The following CD247 variants were observed in gnomAD, a reference collection of about 807,000 sequenced individuals.
The protein encoded by CD247 is CD247 molecule.
In CD247, 13 loss-of-function variants were observed where a neutral mutation model predicts 30.0. The observed-to-expected ratio is 0.43, with a 90% CI of 0.28 to 0.69. CD247 has a LOEUF of 0.69. CD247 is among the 30% of genes least tolerant of loss of function. CD247 has a pLI of 0.16. For missense variants in CD247, 193 were observed against 212.6 expected (o/e 0.91, Z 0.57); for synonymous variants, 72 against 80.0 (o/e 0.90, Z 0.53).
intron 1 of CD247, among the ~76,000 whole-genome samples, chr1:167,487,151 T>C (rs1654244252): frequency 6.8e-6 from 1 of 147,042 alleles, no homozygotes; most frequent in Admixed American, 6.8e-5. Context: ...GGCCGAGGTG[T>C]GTGGATCACG....
chr1:167,486,132 A>C (rs144538471), intron 1 of CD247, among the ~76,000 whole-genome samples: 58 of 152,344 alleles, frequency 3.8e-4, no homozygotes, highest in African/African-American at 1.3e-3. Flanking sequence ...TTGTCAGGCC[A>C]AAGAAATTAG....
At chr1:167,473,528 ATT>A (rs1653619506) in intron 1 of CD247, among the ~76,000 whole-genome samples, 1 of 152,126 alleles carries the variant, frequency 6.6e-6, no homozygotes, top group South Asian at 2.1e-4. Flanking sequence ...AGGCGCTGTT[ATT>A]ATTCCCATTA....
At chr1:167,434,131 G>A (rs1312302171) in intron 5 of CD247, 55 bp from the exon 6 acceptor site, 7 of 1,526,556 alleles carry the variant, frequency 4.6e-6, no homozygotes, top group Non-Finnish European at 6.4e-6. Context: ...GAAAGCAGCA[G>A]GTTCCCCTAC....
intron 1 of CD247, among the ~76,000 whole-genome samples, chr1:167,488,527 A>T (rs762405285): frequency 4.6e-5 from 7 of 152,180 alleles, no homozygotes; most frequent in Non-Finnish European, 8.8e-5. Flanking sequence ...GGCCAGGGGG[A>T]TCAGACCTCA....
At chr1:167,454,399 C>T (rs1041139850) in intron 1 of CD247, among the ~76,000 whole-genome samples, 2 of 152,154 alleles carry the variant, frequency 1.3e-5, no homozygotes, top group East Asian at 3.9e-4. Context: ...ACAACCAAAA[C>T]AAAAACAAAT....
intron 1 of CD247, among the ~76,000 whole-genome samples, chr1:167,471,837 T>C (rs960989246): frequency 1.2e-4 from 18 of 147,134 alleles, no homozygotes; most frequent in South Asian, 2.2e-4. Context: ...CTTTCTTTTT[T>C]TTTTTTTTTT....
chr1:167,494,783 C>T lies in CD247; in HGVS notation c.58+23625G>A, dbSNP rs568292134. On this transcript the variant is annotated intron_variant, in intron 1 of 7. Coordinates refer to ENST00000362089, the MANE Select transcript of CD247 (RefSeq NM_198053.3). The surrounding 1 kb of genome is among the most constrained non-coding windows in gnomAD (Gnocchi z 7.3). ...AAGAATGTGAAGGTCTCATCAAAAA[C>T]CAAGCATGAGAGGCAAGACAATTAT... is the stretch of plus-strand genomic sequence containing the variant. Among the ~76,000 whole-genome samples, 1 of 152,274 alleles carries T rather than the reference C, an allele frequency of 6.6e-6. No homozygotes were observed. Among genetic ancestry groups the T allele is most frequent in the East Asian group, 1.9e-4 (1 of 5,184 alleles).
chr1:167,485,284 G>A (rs1458783646), intron 1 of CD247, among the ~76,000 whole-genome samples: 10 of 152,208 alleles, frequency 6.6e-5, no homozygotes, highest in Non-Finnish European at 1.3e-4. Context: ...ACCCCTGCAC[G>A]CCCTGCTCAC....
At chr1:167,452,576 G>A (rs916548202) in intron 1 of CD247, among the ~76,000 whole-genome samples, 1 of 152,146 alleles carries the variant, frequency 6.6e-6, no homozygotes, top group Non-Finnish European at 1.5e-5. Context: ...AAAATGTCAC[G>A]CACTGTGCTG....
chr1:167,482,256 A>C (rs1654004053), intron 1 of CD247, among the ~76,000 whole-genome samples: 1 of 152,204 alleles, frequency 6.6e-6, no homozygotes, highest in Non-Finnish European at 1.5e-5. Flanking sequence ...CTCCTTTCTC[A>C]GTGACCTTTC....
intron 1 of CD247, among the ~76,000 whole-genome samples, chr1:167,504,074 G>A (rs1010172069): frequency 6.6e-6 from 1 of 152,212 alleles, no homozygotes; most frequent in Non-Finnish European, 1.5e-5. Flanking sequence ...CCGGGGTGCT[G>A]TGTATAGGCA....
rs187599847 is a variant in CD247, at chr1:167,455,698, A to C, written c.59-14931T>G. 3.5e-4 allele frequency among the ~76,000 whole-genome samples: 53 copies of C among 152,106 alleles called. No individual in the cohort carries two copies. The East Asian group carries it at 0.01, about 29-fold the overall frequency. ...CCCCACTTGCGGTCCCTTGTCCCCGAACCGCACCCGCCCCCAGGCCCCCGC... is the reference window on the plus strand; with the variant it reads ...CCCCACTTGCGGTCCCTTGTCCCCGCACCGCACCCGCCCCCAGGCCCCCGC... On this transcript the variant is annotated intron_variant, in intron 1 of 7. Coordinates refer to ENST00000362089, the MANE Select transcript of CD247 (RefSeq NM_198053.3).
chr1:167,493,903 G>A (rs941888146), intron 1 of CD247, among the ~76,000 whole-genome samples: 4 of 152,142 alleles, frequency 2.6e-5, no homozygotes, highest in Admixed American at 1.3e-4. Context: ...CATGTGCCCT[G>A]GTCAGGCACA....
chr1:167,498,062 T>G (rs138500178), intron 1 of CD247, among the ~76,000 whole-genome samples: 1 of 152,180 alleles, frequency 6.6e-6, no homozygotes. Flanking sequence ...CATAGCTTGA[T>G]CTTGGGGACC....
chr1:167,496,223 G>T (rs1654684810), intron 1 of CD247, among the ~76,000 whole-genome samples: 1 of 152,238 alleles, frequency 6.6e-6, no homozygotes. Flanking sequence ...AAGGAAGGTA[G>T]GTAGGTAGGC....
Position 167,465,073 on chromosome 1 carries a change from T to C in CD247, c.59-24306A>G, listed in dbSNP as rs887795839. Among the ~76,000 whole-genome samples the C allele has an allele frequency of 4.6e-5, 7 of 152,288 alleles. No individual in the cohort carries two copies. The East Asian group carries it at 1.4e-3, about 29-fold the overall frequency. On this transcript the variant is annotated intron_variant, in intron 1 of 7. Transcript: ENST00000362089. ...GCTTTTTCTCTTCTCCCTCCAATAC[T>C]CAATCTTCCTGTCCATATATTTATT...
At chr1:167,489,720 G>T (rs906193070) in intron 1 of CD247, among the ~76,000 whole-genome samples, 10 of 152,164 alleles carry the variant, frequency 6.6e-5, no homozygotes, top group African/African-American at 2.2e-4. Flanking sequence ...CAAGAGCCCC[G>T]CTGCTGAGGA....
At position 167,431,672 on chromosome 1, in the gene CD247, C is replaced by G; in HGVS notation, c.*9G>C. On this transcript the variant is annotated 3_prime_UTR_variant, in exon 8 of 8. Coordinates refer to ENST00000362089, the MANE Select transcript of CD247 (RefSeq NM_198053.3). ...GGTCTGGCCTTTGAGTGGTGAAATC[C>G]CCTGGCTGTTAGCGAGGGGGCAGGG... is the stretch of plus-strand genomic sequence containing the variant. 6.2e-7 allele frequency: 1 copy of G among 1,613,278 alleles called. No homozygotes were observed. Among genetic ancestry groups the G allele is most frequent in the Non-Finnish European group, 8.5e-7 (1 of 1,179,194 alleles).
intron 1 of CD247, among the ~76,000 whole-genome samples, chr1:167,493,497 G>T (rs1654542182): frequency 6.6e-6 from 1 of 152,124 alleles, no homozygotes; most frequent in African/African-American, 2.4e-5. Flanking sequence ...CCTGTGCTGA[G>T]GGCTGACATT....
Sources: gnomAD v4.1 joint callset for allele counts (sites outside exome capture counted in the v4.1 genomes callset) on GRCh38, gnomAD v4.1.1 for gene constraint, Gnocchi (gnomAD v3.1) non-coding constraint, MANE v1.5 for transcripts, NCBI Gene and HGNC (gene_info 2026-07-23, HGNC 2026-07-21) for gene names.